Variants in STK3 observed in about 807,000 individuals in gnomAD.
STK3 encodes the protein serine/threonine-protein kinase 3.
STK3 carries 41 observed loss-of-function variants against 58.0 expected under a neutral mutation model. That is an observed-to-expected ratio of 0.71 (90% confidence interval 0.55 to 0.92). The LOEUF (loss-of-function observed/expected upper bound fraction) is 0.92. Ranked by LOEUF, STK3 falls within the 40% of genes least tolerant of loss-of-function variation. STK3 has a pLI of 0.00. For synonymous variants in STK3, 170 were observed against 191.0 expected (o/e 0.89, Z 0.91); for missense variants, 479 against 602.7 (o/e 0.79, Z 2.15).
chr8:98,578,955 A>C (rs1813631314), intron 8 of STK3, among the ~76,000 whole-genome samples: 2 of 152,264 alleles, frequency 1.3e-5, no homozygotes, highest in South Asian at 4.2e-4. Context: ...GTTTGAGACC[A>C]GCCTGGCCAA....
intron 7 of STK3, among the ~76,000 whole-genome samples, chr8:98,583,063 T>G (rs1469216725): frequency 6.6e-6 from 1 of 152,162 alleles, no homozygotes; most frequent in Non-Finnish European, 1.5e-5. Context: ...TTTTTGATCA[T>G]GTTATTCATA....
chr8:98,698,760 T>C (rs1438708622), intron 6 of STK3, among the ~76,000 whole-genome samples: 1 of 152,146 alleles, frequency 6.6e-6, no homozygotes, highest in Non-Finnish European at 1.5e-5. Flanking sequence ...CTTCCCTTTG[T>C]GGGTAACCCG....
At chr8:98,673,795 A>G (rs1710582701) in intron 6 of STK3, among the ~76,000 whole-genome samples, 1 of 152,228 alleles carries the variant, frequency 6.6e-6, no homozygotes. Context: ...AAAAGAAATA[A>G]AAAACAATTT....
chr8:98,522,603 G>A (rs1296716241), intron 10 of STK3, among the ~76,000 whole-genome samples: 1 of 152,026 alleles, frequency 6.6e-6, no homozygotes, highest in East Asian at 1.9e-4. Context: ...CAGTTAAGTG[G>A]CATTATTTAC....
chr8:98,635,085 G>A (rs1399863886), intron 6 of STK3, among the ~76,000 whole-genome samples: 2 of 151,990 alleles, frequency 1.3e-5, no homozygotes, highest in Non-Finnish European at 2.9e-5. Context: ...GAAGAAAGAG[G>A]CATACCCTTC....
Position 98,563,688 on chromosome 8 carries a change from A to G in STK3, c.949-15527T>C, listed in dbSNP as rs185249405. On this transcript the variant is annotated intron_variant, in intron 8 of 10. Coordinates refer to ENST00000419617, the MANE Select transcript of STK3 (RefSeq NM_006281.4). The stretch of plus-strand genomic sequence containing the variant: ...GTAAGGAAGAGCTAAAAACAAAACA[A>G]AACCGCACAATGATGGGGATATGTC... Among the ~76,000 whole-genome samples, 602 of 152,288 alleles carry G rather than the reference A, an allele frequency of 4.0e-3. 3 individuals carry two copies. The highest frequency in any genetic ancestry group is 0.013 in the African/African-American group (532 of 41,574).
At chr8:98,767,056 G>A (rs1297925530) in intron 3 of STK3, among the ~76,000 whole-genome samples, 187 bp downstream of exon 3, 1 of 152,170 alleles carries the variant, frequency 6.6e-6, no homozygotes, top group Non-Finnish European at 1.5e-5. Flanking sequence ...AGAAAGCGGA[G>A]GTTGTGGTGA....
chr8:98,659,508 C>CT lies in STK3; in HGVS notation c.684+46958dup, dbSNP rs113528602. On this transcript the variant is annotated intron_variant, in intron 6 of 10. Transcript: ENST00000419617. ...ATACAATTTTGATGGAATTACTTAA[C>CT]TTTTTTTTTTTTTACTTTCATAACA... Among the ~76,000 whole-genome samples the CT allele has an allele frequency of 1.0e-3, 148 of 145,122 alleles. 1 individual carries two copies. The highest frequency in any genetic ancestry group is 1.1e-3 in the African/African-American group (46 of 40,008).
At chr8:98,354,503 G>T in the STK3 span, among the ~76,000 whole-genome samples, 1 of 152,172 alleles carries the variant, frequency 6.6e-6, no homozygotes, top group African/African-American at 2.4e-5. Context: ...AAACAGTGTC[G>T]GTGATGATTT....
chr8:98,828,643 GAGAA>G (rs540761173), upstream of STK3, among the ~76,000 whole-genome samples: 4 of 151,686 alleles, frequency 2.6e-5, no homozygotes, highest in African/African-American at 7.3e-5. Flanking sequence ...GAAGGAAAGA[GAGAA>G]AGAAAGAAAG....
chr8:98,696,011 C>G (rs948176210), intron 6 of STK3, among the ~76,000 whole-genome samples: 12 of 152,054 alleles, frequency 7.9e-5, no homozygotes, highest in Middle Eastern at 3.4e-3. Context: ...GAATGTTCTT[C>G]CATTTGTTTG....
At chr8:98,735,032 A>G (rs1317218874) in intron 4 of STK3, among the ~76,000 whole-genome samples, 1 of 152,220 alleles carries the variant, frequency 6.6e-6, no homozygotes, top group Non-Finnish European at 1.5e-5. Flanking sequence ...GGTTACTAGT[A>G]AGCATACTTT....
At chr8:98,854,208 G>A (rs1167764472) in intron 3 of STK3, among the ~76,000 whole-genome samples, 2 of 151,950 alleles carry the variant, frequency 1.3e-5, no homozygotes, top group African/African-American at 4.8e-5. Flanking sequence ...GCATGATCTC[G>A]GCTCACTGCA....
intron 1 of STK3, among the ~76,000 whole-genome samples, chr8:98,784,257 G>C (rs1033877908): frequency 6.6e-6 from 1 of 152,192 alleles, no homozygotes; most frequent in African/African-American, 2.4e-5. Context: ...GGCCACATAG[G>C]CTTCTGGCTC....
intron 4 of STK3, among the ~76,000 whole-genome samples, chr8:98,746,612 CAAAAATAAAAATA>C (rs1829658357): frequency 6.6e-6 from 1 of 151,406 alleles, no homozygotes; most frequent in African/African-American, 2.4e-5. Flanking sequence ...GACCCTGTCT[CAAAAATAAAAATA>C]AAAAATAAAA....
chr8:98,550,027 A>C (rs760809662), intron 8 of STK3, among the ~76,000 whole-genome samples: 17 of 152,166 alleles, frequency 1.1e-4, no homozygotes, highest in Non-Finnish European at 2.1e-4. Context: ...AAAGGACCAA[A>C]GAATCTGCTA....
the STK3 span, among the ~76,000 whole-genome samples, chr8:98,358,710 G>T: frequency 6.6e-6 from 1 of 152,098 alleles, no homozygotes; most frequent in Non-Finnish European, 1.5e-5. Context: ...AGGGGAATGA[G>T]GGGGGAGTGA....
In STK3 at chr8:98,733,899, C is replaced by T. The variant is rs1183595496; in HGVS notation, c.351+15377G>A. 2.6e-5 allele frequency among the ~76,000 whole-genome samples: 4 copies of T among 152,144 alleles called. 1 individual carries two copies. Among genetic ancestry groups the T allele is most frequent in the Admixed American group, 6.5e-5 (1 of 15,276 alleles). ...CTCTCACACTGCTATAAAGAACTAC[C>T]TGAGACTGGGTAATTTAGAAGAAAA... is the stretch of plus-strand genomic sequence containing the variant. On this transcript the variant is annotated intron_variant, in intron 4 of 10. Coordinates refer to ENST00000419617, the MANE Select transcript of STK3 (RefSeq NM_006281.4).
In STK3 at chr8:98,909,118, G is replaced by A. The variant is rs191196969; in HGVS notation, c.-78-25284C>T. 4.3e-3 allele frequency among the ~76,000 whole-genome samples: 660 copies of A among 152,196 alleles called. 8 individuals are homozygous for A. Among genetic ancestry groups the A allele is most frequent in the East Asian group, 5.6e-3 (29 of 5,170 alleles). Reference sequence around the variant, plus strand: ...GGATGCTGCAGTGAGCTGAGATCACGCCACTGCACTCTAGCCTGGGCAACA... The same window carrying A: ...GGATGCTGCAGTGAGCTGAGATCACACCACTGCACTCTAGCCTGGGCAACA... On this transcript the variant is annotated intron_variant, in intron 1 of 1. Coordinates refer to the STK3 transcript ENST00000519420.
Sources: gnomAD v4.1 joint callset for allele counts (sites outside exome capture counted in the v4.1 genomes callset) on GRCh38, gnomAD v4.1.1 for gene constraint, MANE v1.5 for transcripts, NCBI Gene and HGNC (gene_info 2026-07-23, HGNC 2026-07-21) for gene names.